Variants in RNF213 observed in about 807,000 individuals in gnomAD.
RNF213 encodes the protein E3 ubiquitin-protein ligase RNF213.
Under a neutral mutation model 514.4 loss-of-function variants are expected in RNF213, and 341 were observed. That is an observed-to-expected ratio of 0.66 (90% CI 0.61 to 0.73). The LOEUF is 0.73. RNF213 is among the 30% of genes least tolerant of loss of function. The pLI is 0.00. For synonymous variants in RNF213, 2,655 were observed against 2,658.2 expected, an observed-to-expected ratio of 1.00 and a Z score of 0.04; for missense variants, 5,767 against 6,615.6, an observed-to-expected ratio of 0.87 and a Z score of 4.45.
At chr17:80,279,184 C>T (rs995725136) in intron 3 of RNF213, among the ~76,000 whole-genome samples, 5 of 152,200 alleles carry the variant, frequency 3.3e-5, no homozygotes, top group South Asian at 2.1e-4. Flanking sequence ...CTTTTTACTC[C>T]GTGCAGCTGT....
intron 2 of RNF213, among the ~76,000 whole-genome samples, chr17:80,269,287 G>T (rs2043718468): frequency 6.6e-6 from 1 of 152,034 alleles, no homozygotes; most frequent in Admixed American, 6.5e-5. Context: ...AACTACCTAG[G>T]CATCCTTCAA....
At chr17:80,313,822 TGGTGGTGGA>T (rs1279301943) in intron 15 of RNF213, among the ~76,000 whole-genome samples, 6 of 43,170 alleles carry the variant, frequency 1.4e-4, no homozygotes, top group African/African-American at 3.9e-4. Context: ...GAGGTGATGG[TGGTGGTGGA>T]GGTGATGGTG....
In RNF213 at chr17:80,288,840, T is replaced by C; in HGVS notation, c.933+85T>C. 2 of 1,597,936 alleles carry C rather than the reference T, an allele frequency of 1.3e-6. No homozygotes were observed. The highest frequency in any genetic ancestry group is 8.6e-7 in the Non-Finnish European group (1 of 1,168,354). On this transcript the variant is annotated intron_variant, in intron 5 of 67. Coordinates refer to ENST00000582970, the MANE Select transcript of RNF213 (RefSeq NM_001256071.3). This position sits in a 1 kb window ranked among gnomAD's most constrained non-coding sequence, Gnocchi z 4.9. ...CTTTCATTTAATTATTCAGCAAATA[T>C]TTAAGTGCTGGGGATATAGCCATGA...
Position 80,294,836 on chromosome 17 carries a change from G to T in RNF213, c.1588G>T (p.Ala530Ser). ...CCTGGTGAAGGGGAAGCAGATTGCCGCTGCGCTCATGCTGGACAGCACCTT... is the reference window on the plus strand; with the variant it reads ...CCTGGTGAAGGGGAAGCAGATTGCCTCTGCGCTCATGCTGGACAGCACCTT... Reference protein sequence around the residue: ...KDLVKGKQIAAALMLDSTFSI... With the variant: ...KDLVKGKQIASALMLDSTFSI... Residue 530 changes from alanine to serine, a missense_variant, in exon 9 of 68, where the codon GCT becomes TCT. Around this residue, in one of 13 missense-constraint regions of RNF213, gnomAD observed 592 missense variants for 673.9 expected, o/e 0.88. Coordinates refer to ENST00000582970, the MANE Select transcript of RNF213 (RefSeq NM_001256071.3). 2 of 1,614,190 alleles carry T rather than the reference G, an allele frequency of 1.2e-6. No individual in the cohort carries two copies. The highest frequency in any genetic ancestry group is 1.7e-6 in the Non-Finnish European group (2 of 1,180,040).
chr17:80,372,573 A>G lies in RNF213; in HGVS notation c.12590A>G (p.His4197Arg). The G allele has an allele frequency of 6.2e-7, 1 of 1,614,044 alleles. No individual in the cohort carries two copies. The highest frequency in any genetic ancestry group is 1.1e-5 in the South Asian group (1 of 91,020). The change falls in exon 48 of 68, where the codon CAC (histidine) becomes CGC (arginine). Residue 4197 changes from histidine (H) to arginine (R), a missense_variant. His to Arg is a conservative substitution (Grantham distance 29, BLOSUM62 0). Coordinates refer to ENST00000582970, the MANE Select transcript of RNF213 (RefSeq NM_001256071.3). Reference sequence around the variant, plus strand: ...TACTCCAGAAATGATGAACTGAACCACCTAGAAGAGGAAGGTCGTTTCCTT... The same window carrying G: ...TACTCCAGAAATGATGAACTGAACCGCCTAGAAGAGGAAGGTCGTTTCCTT... ...SAYSRNDELN[H>R]LEEEGRFLKA...
rs2046442558 is a variant in RNF213, at chr17:80,332,471, A to G, written c.3983A>G (p.Asp1328Gly). 6.5e-7 allele frequency: 1 copy of G among 1,537,042 alleles called. No homozygotes were observed. Among genetic ancestry groups the G allele is most frequent in the African/African-American group, 1.4e-5 (1 of 73,034 alleles). ...GAACTTAAGATCATGTGCACCGTGG[A>G]CCACCAGGACCAAAGAGATTGGATC... ...DSELKIMCTV[D>G]HQDQRDWIKD... Residue 1328 changes from aspartate to glycine, a missense_variant, in exon 21 of 68, where the codon GAC becomes GGC. Transcript: ENST00000582970.
intron 32 of RNF213, chr17:80,352,721 C>T (rs1272343995): frequency 5.8e-6 from 4 of 694,874 alleles, no homozygotes; most frequent in African/African-American, 1.7e-5. Flanking sequence ...ACCGTTGCTG[C>T]TTATGGTGAA....
In RNF213 at chr17:80,349,905, C is replaced by A; in HGVS notation, c.10087C>A (p.Arg3363=). The A allele has an allele frequency of 6.2e-7, 1 of 1,613,194 alleles. No homozygotes were observed. The highest frequency in any genetic ancestry group is 8.5e-7 in the Non-Finnish European group (1 of 1,179,840). The change falls in exon 30 of 68, where the codon CGA becomes AGA. Residue 3363 remains arginine, a splice_region_variant and synonymous_variant. Transcript: ENST00000582970. ...CGAGTACTCATTCCTCAAAGAAGTC[C>A]GGTGAGGTTCCCTGCCTTCCCTGCT... ...DTEYSFLKEV[R]NCLTNTAKCK... is the part of the protein sequence containing the mutation.
intron 22 of RNF213, 190 bp downstream of exon 22, chr17:80,334,460 C>A: frequency 1.8e-6 from 1 of 543,214 alleles, no homozygotes; most frequent in East Asian, 3.1e-5. Flanking sequence ...CAGTATTTCC[C>A]ATGTGCTGCT....
chr17:80,391,777 T>C (rs892683740), intron 67 of RNF213, among the ~76,000 whole-genome samples: 7 of 139,836 alleles, frequency 5.0e-5, no homozygotes, highest in African/African-American at 1.6e-4. Flanking sequence ...TTTTTTTTTT[T>C]TTTTTTTTTT....
In RNF213 at chr17:80,332,531, A is replaced by C; in HGVS notation, c.4043A>C (p.His1348Pro). The change falls in exon 21 of 68, where the codon CAC (histidine) becomes CCC (proline). Residue 1348 changes from histidine to proline, a missense_variant. His to Pro is a moderately conservative substitution (Grantham distance 77). Around this residue, in one of 13 missense-constraint regions of RNF213, gnomAD observed 516 missense variants for 566.5 expected, o/e 0.91. Coordinates refer to ENST00000582970, the MANE Select transcript of RNF213 (RefSeq NM_001256071.3). ...GTCGAACAGATCAAGGAATACCATCACCTGCACCAGGCTGTCCACGCAGCC... is the reference window on the plus strand; with the variant it reads ...GTCGAACAGATCAAGGAATACCATCCCCTGCACCAGGCTGTCCACGCAGCC... Reference protein sequence around the residue: ...DRVEQIKEYHHLHQAVHAAKV... With the variant: ...DRVEQIKEYHPLHQAVHAAKV... The C allele has an allele frequency of 6.5e-7, 1 of 1,537,040 alleles. No homozygotes were observed. Among genetic ancestry groups the C allele is most frequent in the Non-Finnish European group, 8.7e-7 (1 of 1,146,722 alleles).
Position 80,298,494 on chromosome 17 carries a change from C to A in RNF213, c.2186C>A (p.Pro729Gln), listed in dbSNP as rs72849841. The A allele has an allele frequency of 1.2e-6, 2 of 1,614,032 alleles. No individual in the cohort carries two copies. Among genetic ancestry groups the A allele is most frequent in the South Asian group, 1.1e-5 (1 of 91,086 alleles). The change falls in exon 11 of 68, where the codon CCG becomes CAG. Residue 729 changes from proline (P) to glutamine (Q), a missense_variant. Physicochemically the swap from Pro to Gln is moderately conservative, Grantham distance 76. This residue lies in a region of RNF213 where 592 missense variants were observed against 673.9 expected (regional missense o/e 0.88). Transcript: ENST00000582970. ...WAALEGLSFS[P>Q]FREQMLDTSS... ...GCTCTGGAGGGACTCTCCTTCTCACCGTTCCGGGAACAAATGCTAGATACG... is the reference window on the plus strand; with the variant it reads ...GCTCTGGAGGGACTCTCCTTCTCACAGTTCCGGGAACAAATGCTAGATACG...
rs766330841 is a variant in RNF213 at position 80,345,773 on chromosome 17, T to G, written c.7438T>G (p.Leu2480Val). Residue 2480 changes from leucine to valine, a missense_variant, in exon 29 of 68, where the codon TTG becomes GTG. By Grantham distance (32) the Leu-to-Val change is conservative. This residue lies in a region of RNF213 where 1,377 missense variants were observed against 1,635.2 expected (regional missense o/e 0.84). Transcript: ENST00000582970. This position sits in a 1 kb window ranked among gnomAD's most constrained non-coding sequence, Gnocchi z 6.0. ...CTTCGCCAATAAGGACCAACATCAG[T>G]TGGACACCATCTTGTTTTTTGATGA... ...VAFANKDQHQ[L>V]DTILFFDEAN... 6.2e-7 allele frequency: 1 copy of G among 1,614,188 alleles called. No individual in the cohort carries two copies. Among genetic ancestry groups the G allele is most frequent in the South Asian group, 1.1e-5 (1 of 91,088 alleles).
At position 80,358,574 on chromosome 17, in the gene RNF213, T is replaced by C. The variant is rs981271306; in HGVS notation, c.11054+95T>C. ...CCAAGTGCTGGGTGAAACGCAGCCC[T>C]CAACTTCAGAGCAACGTTGACATGG... On this transcript the variant is annotated intron_variant, in intron 37 of 67. Coordinates refer to ENST00000582970, the MANE Select transcript of RNF213 (RefSeq NM_001256071.3). 2.5e-6 allele frequency: 3 copies of C among 1,183,472 alleles called. No individual in the cohort carries two copies. The African/African-American group carries it at 4.5e-5, about 18-fold the overall frequency. The allele number at this position is 1,183,472 out of a possible 1,614,324, so 73.3% of individuals were successfully genotyped here.
At chr17:80,366,173 G>A (rs535593006) in intron 42 of RNF213, among the ~76,000 whole-genome samples, 14 of 152,306 alleles carry the variant, frequency 9.2e-5, no homozygotes, top group South Asian at 6.2e-4. Context: ...TCCCTCGGCC[G>A]GGCAGGAAGT....
rs752513500 is a variant in RNF213, at chr17:80,380,838, GCAGA to G, written c.13653_13656del (p.Asp4551GlufsTer17). On this transcript the variant is annotated frameshift_variant, in exon 56 of 68. Transcript: ENST00000582970. LOFTEE classifies it high-confidence loss of function. ...TTCTCTCGTTCTTTCCAGAGACAAG[GCAGA>G]CAGAACGCAGACCGGCCACGTGCTG... The G allele has an allele frequency of 1.2e-6, 2 of 1,614,200 alleles. No homozygotes were observed. Among genetic ancestry groups the G allele is most frequent in the African/African-American group, 1.3e-5 (1 of 75,040 alleles).
intron 61 of RNF213, 145 bp downstream of exon 61, chr17:80,385,766 G>A (rs1171018690): frequency 2.7e-6 from 2 of 740,484 alleles, no homozygotes; most frequent in Non-Finnish European, 2.3e-6. Context: ...TCTGTCGCCA[G>A]GCTGGAGTGC....
At chr17:80,367,921 T>G in intron 43 of RNF213, 40 bp from the exon 44 acceptor site, 1 of 1,613,930 alleles carries the variant, frequency 6.2e-7, no homozygotes, top group South Asian at 1.1e-5. Context: ...TTCTGGCCAG[T>G]TTCTCTGCTT....
intron 41 of RNF213, 34 bp downstream of exon 41, chr17:80,363,824 C>T (rs1219800969): frequency 1.3e-6 from 2 of 1,597,986 alleles, no homozygotes; most frequent in East Asian, 4.5e-5. Context: ...ACTGCTTCAT[C>T]TGGCGCGCGC....
Sources: gnomAD v4.1 joint callset for allele counts (sites outside exome capture counted in the v4.1 genomes callset) on GRCh38, gnomAD v4.1.1 for gene constraint, gnomAD v4.1.1 regional missense constraint, Gnocchi (gnomAD v3.1) non-coding constraint, MANE v1.5 for transcripts, NCBI Gene and HGNC (gene_info 2026-07-23, HGNC 2026-07-21) for gene names.